The following CUBN variants were observed in gnomAD, a reference collection of about 807,000 sequenced individuals.
The protein encoded by CUBN is cubilin.
Under a neutral mutation model 405.3 loss-of-function variants are expected in CUBN, and 282 were observed. The observed-to-expected ratio is 0.70, with a 90% CI of 0.63 to 0.77. The LOEUF (loss-of-function observed/expected upper bound fraction) is 0.77. Ranked by LOEUF, CUBN falls within the 30% of genes least tolerant of loss-of-function variation. The pLI, the probability that CUBN is intolerant of heterozygous loss-of-function variation, is 0.00. For missense variants in CUBN, 4,514 were observed against 4,475.2 expected (o/e 1.01, Z -0.25); for synonymous variants, 1,684 against 1,617.0 (o/e 1.04, Z -0.99).
chr10:16,940,031 C>T lies in CUBN; in HGVS notation c.5548+1G>A, dbSNP rs775671113. 1.2e-6 allele frequency: 2 copies of T among 1,612,264 alleles called. No individual in the cohort carries two copies. Among genetic ancestry groups the T allele is most frequent in the African/African-American group, 1.3e-5 (1 of 74,876 alleles). The stretch of plus-strand genomic sequence containing the variant: ...CTATCACTAAAATAGAAACAACTTA[C>T]TCTTCATAAATGTGGCCTGGAAGCC... On this transcript the variant is annotated splice_donor_variant, in intron 37 of 66. Coordinates refer to ENST00000377833, the MANE Select transcript of CUBN (RefSeq NM_001081.4). LOFTEE classifies it high-confidence loss of function.
At chr10:16,948,650 G>A in intron 34 of CUBN, 44 bp from the exon 35 acceptor site, 1 of 1,609,920 alleles carries the variant, frequency 6.2e-7, no homozygotes. Context: ...TGACAACATG[G>A]CAGAGACCGC....
In CUBN at chr10:17,126,814, GA is replaced by G. The variant is rs1837202224; in HGVS notation, c.349-16del. On this transcript the variant is annotated splice_polypyrimidine_tract_variant and intron_variant, in intron 3 of 66. Coordinates refer to ENST00000377833, the MANE Select transcript of CUBN (RefSeq NM_001081.4). Reference sequence around the variant, plus strand: ...AGATCCACCAGCTGGCAATAGGGAAGAAAAAGCTTCAGTTAGCTGGTTCAAA... The same window carrying G: ...AGATCCACCAGCTGGCAATAGGGAAGAAAAGCTTCAGTTAGCTGGTTCAAA... The G allele has an allele frequency of 6.2e-7, 1 of 1,613,980 alleles. No homozygotes were observed. Among genetic ancestry groups the G allele is most frequent in the Admixed American group, 1.7e-5 (1 of 59,994 alleles).
chr10:16,861,311 GC>G (rs1200641236), intron 59 of CUBN, among the ~76,000 whole-genome samples: 1 of 152,006 alleles, frequency 6.6e-6, no homozygotes, highest in Non-Finnish European at 1.5e-5. Context: ...ACAGGTGTGT[GC>G]CACCAAGCCT....
In CUBN at chr10:16,939,139, T is replaced by G. The variant is rs759932556; in HGVS notation, c.5557A>C (p.Asn1853His). The stretch of plus-strand genomic sequence containing the variant: ...CCATGAGTTCCCACAATATTATCAT[T>G]GCCAAATACTAGGAGGGAAGACAGA... ...FQATFMKIFG[N>H]DNIVGTHGKV... Residue 1853 changes from asparagine (N) to histidine (H), a missense_variant, in exon 38 of 67, where the codon AAT becomes CAT. By Grantham distance (68) the Asn-to-His change is moderately conservative (BLOSUM62 1). This residue lies in a region of CUBN where 1,613 missense variants were observed against 1,542.8 expected (regional missense o/e 1.05). Coordinates refer to ENST00000377833, the MANE Select transcript of CUBN (RefSeq NM_001081.4). 3 of 1,613,370 alleles carry G rather than the reference T, an allele frequency of 1.9e-6. No individual in the cohort carries two copies.
rs187514569 is a variant in CUBN at position 17,106,356 on chromosome 10, C to T, written c.1112-781G>A. 1.0e-4 allele frequency among the ~76,000 whole-genome samples: 15 copies of T among 145,616 alleles called. No homozygotes were observed. The East Asian group carries it at 2.8e-3, about 27-fold the overall frequency. ...CCCTATGGAATCTGTAATCCCTGAA[C>T]TTTGGGAGGCCGAGGCAGGCGGATC... On this transcript the variant is annotated intron_variant, in intron 10 of 66. Transcript: ENST00000377833.
At chr10:16,846,326 G>A (rs1839506977) in intron 60 of CUBN, among the ~76,000 whole-genome samples, 1 of 152,250 alleles carries the variant, frequency 6.6e-6, no homozygotes, top group African/African-American at 2.4e-5. Context: ...CATATAAAAG[G>A]AATCTATTTT....
Position 16,876,966 on chromosome 10 carries a change from C to A in CUBN, c.9037G>T (p.Val3013Phe), listed in dbSNP as rs1241849194. The A allele has an allele frequency of 6.2e-7, 1 of 1,614,000 alleles. No homozygotes were observed. Among genetic ancestry groups the A allele is most frequent in the Non-Finnish European group, 8.5e-7 (1 of 1,180,044 alleles). ...TCGTTGGAGTAGAAGTTAAGCAGAA[C>A]CGGCCCAGCGATGGTGAGGGGAGCT... ...MPAPLTIAGP[V>F]LLNFYSNEQI... Residue 3013 changes from valine (V) to phenylalanine (F), a missense_variant, in exon 57 of 67, where the codon GTT (valine) becomes TTT (phenylalanine). This residue lies in a region of CUBN where 1,186 missense variants were observed against 1,186.9 expected (regional missense o/e 1.00). Transcript: ENST00000377833.
At chr10:16,926,951 T>C (rs1002805313) in intron 41 of CUBN, among the ~76,000 whole-genome samples, 8 of 151,930 alleles carry the variant, frequency 5.3e-5, no homozygotes. Context: ...TTACACCTAA[T>C]ATGTAGTTTT....
chr10:17,105,514 T>C lies in CUBN; in HGVS notation c.1173A>G (p.Gly391=), dbSNP rs1207756676. 1 of 1,612,052 alleles carries C rather than the reference T, an allele frequency of 6.2e-7. No homozygotes were observed. The highest frequency in any genetic ancestry group is 1.7e-5 in the Admixed American group (1 of 59,992). The change falls in exon 11 of 67, where the codon GGA becomes GGG. Residue 391 remains glycine, a synonymous_variant. Coordinates refer to ENST00000377833, the MANE Select transcript of CUBN (RefSeq NM_001081.4). ...GGCAAATATTACTGAGCTGCACACA[T>C]CCATTTGGCCCATAACCATTTCCAG... The part of the protein sequence containing the change: ...GYTGNGYGPN[G]CVQLSNICLS...
At chr10:17,019,218 G>A (rs1834427269) in intron 28 of CUBN, among the ~76,000 whole-genome samples, 1 of 152,112 alleles carries the variant, frequency 6.6e-6, no homozygotes, top group African/African-American at 2.4e-5. Context: ...TGTTAAAGAA[G>A]ACCTTTCATC....
At chr10:17,084,173 G>T in intron 17 of CUBN, 98 bp downstream of exon 17, 2 of 1,190,890 alleles carry the variant, frequency 1.7e-6, no homozygotes, top group Non-Finnish European at 2.5e-6. Context: ...AGGTATTCTG[G>T]CTGCTGGTGG....
intron 60 of CUBN, among the ~76,000 whole-genome samples, chr10:16,842,265 C>T (rs1017849704): frequency 6.6e-5 from 10 of 152,018 alleles, no homozygotes; most frequent in Non-Finnish European, 8.8e-5. Flanking sequence ...GCTAAACTTG[C>T]TTATTTCATT....
chr10:17,082,983 T>C (rs1292406112), intron 17 of CUBN, among the ~76,000 whole-genome samples: 1 of 152,162 alleles, frequency 6.6e-6, no homozygotes, highest in African/African-American at 2.4e-5. Context: ...TATTTTAAAG[T>C]CTTATAATAG....
At chr10:16,881,580 A>G (rs894335335) in intron 56 of CUBN, among the ~76,000 whole-genome samples, 1 of 152,216 alleles carries the variant, frequency 6.6e-6, no homozygotes, top group Admixed American at 6.5e-5. Context: ...AAATTATGTA[A>G]GACAGTCTGC....
rs571477848 is a variant in CUBN, at chr10:16,974,098, T to C, written c.4695+8386A>G. Among the ~76,000 whole-genome samples, 639 of 152,322 alleles carry C rather than the reference T, an allele frequency of 4.2e-3. 5 individuals are homozygous for C. Among genetic ancestry groups the C allele is most frequent in the African/African-American group, 0.015 (609 of 41,576 alleles). The stretch of plus-strand genomic sequence containing the variant: ...AATGGCTAGCACAAGTGGAGAACTC[T>C]CTATGTGACAGCAAGCAGGTCATCT... On this transcript the variant is annotated intron_variant, in intron 31 of 66. Transcript: ENST00000377833.
At chr10:17,060,054 A>G (rs1309474737) in intron 22 of CUBN, among the ~76,000 whole-genome samples, 1 of 152,178 alleles carries the variant, frequency 6.6e-6, no homozygotes, top group Non-Finnish European at 1.5e-5. Flanking sequence ...GACATGGCCA[A>G]GATAAAATAT....
At chr10:17,055,698 A>G (rs750683982) in intron 22 of CUBN, among the ~76,000 whole-genome samples, 1 of 152,098 alleles carries the variant, frequency 6.6e-6, no homozygotes, top group Non-Finnish European at 1.5e-5. Context: ...AAAACACGAA[A>G]CACTTGATAA....
In CUBN at chr10:16,836,365, T is replaced by A. The variant is rs1218780404; in HGVS notation, c.10050A>T (p.Arg3350Ser). The A allele has an allele frequency of 6.2e-7, 1 of 1,613,984 alleles. No individual in the cohort carries two copies. The highest frequency in any genetic ancestry group is 1.1e-5 in the South Asian group (1 of 91,090). Reference protein sequence around the residue: ...QDSPQGHGNSRFQFCGRNASA... With the variant: ...QDSPQGHGNSSFQFCGRNASA... ...AAGCATTTCTGCCACAGAACTGAAATCTTGAATTTCCGTGACCCTGAAATG... is the reference window on the plus strand; with the variant it reads ...AAGCATTTCTGCCACAGAACTGAAAACTTGAATTTCCGTGACCCTGAAATG... Residue 3350 changes from arginine to serine, a missense_variant, in exon 63 of 67, where the codon AGA becomes AGT. Physicochemically the swap from Arg to Ser is moderately radical, Grantham distance 110 (BLOSUM62 -1). Coordinates refer to ENST00000377833, the MANE Select transcript of CUBN (RefSeq NM_001081.4).
chr10:17,072,275 T>TA (rs1199444213), intron 17 of CUBN, among the ~76,000 whole-genome samples: 2 of 150,884 alleles, frequency 1.3e-5, no homozygotes, highest in African/African-American at 2.4e-5. Context: ...TGGAAAACAA[T>TA]AAAAAATGAG....
Sources: gnomAD v4.1 joint callset for allele counts (sites outside exome capture counted in the v4.1 genomes callset) on GRCh38, gnomAD v4.1.1 for gene constraint, gnomAD v4.1.1 regional missense constraint, MANE v1.5 for transcripts, NCBI Gene and HGNC (gene_info 2026-07-23, HGNC 2026-07-21) for gene names.